Variants in PCK2 observed in about 807,000 individuals in gnomAD.
The protein encoded by PCK2 is phosphoenolpyruvate carboxykinase [GTP], mitochondrial.
PCK2 carries 56 observed loss-of-function variants against 65.9 expected under a neutral mutation model. The ratio of observed to expected loss-of-function variants is 0.85; its 90% CI spans 0.69 to 1.06. The LOEUF (loss-of-function observed/expected upper bound fraction) is 1.06, where lower values mean the gene tolerates loss of function less well. Ranked by LOEUF, PCK2 falls within the 50% of genes least tolerant of loss-of-function variation. PCK2 has a pLI of 0.00. For synonymous variants in PCK2, 305 were observed against 319.6 expected, an observed-to-expected ratio of 0.95 and a Z score of 0.49; for missense variants, 843 against 863.1, an observed-to-expected ratio of 0.98 and a Z score of 0.29.
At chr14:24,102,996 C>G in intron 8 of PCK2, 106 bp downstream of exon 8, 1 of 1,331,490 alleles carries the variant, frequency 7.5e-7, no homozygotes, top group Non-Finnish European at 1.1e-6. Flanking sequence ...TCACCTTTCT[C>G]CAGAGTTCTC....
chr14:24,095,289 G>T, intron 1 of PCK2: 7 of 452,170 alleles, frequency 1.5e-5, no homozygotes, highest in South Asian at 9.3e-5. Flanking sequence ...CGTGAGCCAG[G>T]CTCCAGGGAG....
intron 7 of PCK2, among the ~76,000 whole-genome samples, chr14:24,101,264 C>A (rs1459649680): frequency 2.6e-5 from 4 of 152,198 alleles, no homozygotes; most frequent in Non-Finnish European, 5.9e-5. Flanking sequence ...CAGAATAATA[C>A]CCTGTGTTAG....
intron 7 of PCK2, 85 bp from the exon 8 acceptor site, chr14:24,102,668 C>G (rs1022604462): frequency 1.3e-5 from 15 of 1,154,486 alleles, no homozygotes; most frequent in Non-Finnish European, 1.9e-5. Flanking sequence ...AAAAAAAGAA[C>G]CCTGCAAGAA....
In PCK2 at chr14:24,099,142, A is replaced by G; in HGVS notation, c.758A>G (p.Tyr253Cys). ...QREIISFGSGYGGNSLLGKKC... is the reference protein window; with the variant it reads ...QREIISFGSGCGGNSLLGKKC... ...GAGATCATCTCCTTCGGCAGCGGCTATGGTGGCAACTCCCTGCTGGGCAAG... is the reference window on the plus strand; with the variant it reads ...GAGATCATCTCCTTCGGCAGCGGCTGTGGTGGCAACTCCCTGCTGGGCAAG... The change falls in exon 5 of 10, where the codon TAT (tyrosine) becomes TGT (cysteine). Residue 253 changes from tyrosine (Y) to cysteine (C), a missense_variant. Physicochemically the swap from Tyr to Cys is radical, Grantham distance 194. Coordinates refer to ENST00000216780, the MANE Select transcript of PCK2 (RefSeq NM_004563.4). 1 of 1,611,988 alleles carries G rather than the reference A, an allele frequency of 6.2e-7. No homozygotes were observed. The highest frequency in any genetic ancestry group is 8.5e-7 in the Non-Finnish European group (1 of 1,179,744).
Position 24,094,413 on chromosome 14 carries a change from C to T in PCK2, c.8C>T (p.Ala3Val). The T allele has an allele frequency of 6.4e-7, 1 of 1,561,092 alleles. No individual in the cohort carries two copies. The highest frequency in any genetic ancestry group is 8.6e-7 in the Non-Finnish European group (1 of 1,157,868). Residue 3 changes from alanine to valine, a missense_variant, in exon 1 of 10, where the codon GCA (alanine) becomes GTA (valine). Ala to Val is a moderately conservative substitution (Grantham distance 64). Coordinates refer to ENST00000216780, the MANE Select transcript of PCK2 (RefSeq NM_004563.4). This position sits in a 1 kb window ranked among gnomAD's most constrained non-coding sequence, Gnocchi z 4.1. ...AGCCCCTGCCCAGGTGCCATGGCCG[C>T]ATTGTACCGCCCTGGCCTGCGGTGA... MA[A>V]LYRPGLRLNW...
At position 24,102,868 on chromosome 14, in the gene PCK2, C is replaced by T. The variant is rs1342609140; in HGVS notation, c.1350C>T (p.Ile450=). ...AGGGTGTCCCCATTGACGCCATCAT[C>T]TTTGGTGGCCGCAGACCCAAAGGTA... is the stretch of plus-strand genomic sequence containing the variant. The part of the protein sequence containing the change: ...APEGVPIDAI[I]FGGRRPKGVP... Residue 450 remains isoleucine, a synonymous_variant, in exon 8 of 10, where the codon ATC becomes ATT. Coordinates refer to ENST00000216780, the MANE Select transcript of PCK2 (RefSeq NM_004563.4). 1 of 1,613,962 alleles carries T rather than the reference C, an allele frequency of 6.2e-7. No individual in the cohort carries two copies. Among genetic ancestry groups the T allele is most frequent in the Admixed American group, 1.7e-5 (1 of 59,958 alleles).
chr14:24,101,430 G>A (rs1486480800), intron 7 of PCK2, among the ~76,000 whole-genome samples: 1 of 152,128 alleles, frequency 6.6e-6, no homozygotes, highest in African/African-American at 2.4e-5. Context: ...GTCCACTCAG[G>A]GGCCACACAG....
rs115883480 is a variant in PCK2 at position 24,096,851 on chromosome 14, C to T, written c.30-41C>T. 3.8e-3 allele frequency: 6,067 copies of T among 1,584,412 alleles called. 199 individuals carry two copies. The African/African-American group carries it at 0.07, about 18-fold the overall frequency. The stretch of plus-strand genomic sequence containing the variant: ...CTCCACCACCTGCCTTGTCCACTCT[C>T]GATGACAGCAACTAGCTCATTGCCT... On this transcript the variant is annotated intron_variant, in intron 1 of 9. Coordinates refer to ENST00000216780, the MANE Select transcript of PCK2 (RefSeq NM_004563.4).
In PCK2 at chr14:24,098,200, C is replaced by T. The variant is rs368443004; in HGVS notation, c.276-3C>T. ...ATCTTCCTGACAATCCCCTCTCCCC[C>T]AGCTGGCTGGCCCGCACAGACCCCA... On this transcript the variant is annotated splice_polypyrimidine_tract_variant and splice_region_variant and intron_variant, in intron 2 of 9. Coordinates refer to ENST00000216780, the MANE Select transcript of PCK2 (RefSeq NM_004563.4). The T allele has an allele frequency of 1.9e-6, 3 of 1,591,082 alleles. No individual in the cohort carries two copies. Among genetic ancestry groups the T allele is most frequent in the African/African-American group, 2.7e-5 (2 of 74,448 alleles).
At chr14:24,102,955 C>G in intron 8 of PCK2, 65 bp downstream of exon 8, 1 of 1,495,160 alleles carries the variant, frequency 6.7e-7, no homozygotes, top group East Asian at 2.3e-5. Flanking sequence ...GCCTACCTCC[C>G]TCCCTCTGAT....
Position 24,103,933 on chromosome 14 carries a change from A to G in PCK2, c.1892A>G (p.Glu631Gly), listed in dbSNP as rs2037278211. The stretch of plus-strand genomic sequence containing the variant: ...CCCAAAGAGGTGTTGGCTGAGCTTG[A>G]GGCCCTGGAGAGACGTGTGCACAAA... ...DLPKEVLAEL[E>G]ALERRVHKM The change falls in exon 10 of 10, where the codon GAG (glutamate) becomes GGG (glycine). Residue 631 changes from glutamate to glycine, a missense_variant. Physicochemically the swap from Glu to Gly is moderately conservative, Grantham distance 98. Coordinates refer to ENST00000216780, the MANE Select transcript of PCK2 (RefSeq NM_004563.4). 1 of 1,613,986 alleles carries G rather than the reference A, an allele frequency of 6.2e-7. No individual in the cohort carries two copies. Among genetic ancestry groups the G allele is most frequent in the Middle Eastern group, 1.6e-4 (1 of 6,062 alleles).
chr14:24,096,237 T>C (rs1361678875), intron 1 of PCK2, among the ~76,000 whole-genome samples: 1 of 129,394 alleles, frequency 7.7e-6, no homozygotes, highest in African/African-American at 3.0e-5. Flanking sequence ...TCTTTTTTTT[T>C]TTTTTTTTTT....
chr14:24,097,257 G>A, intron 2 of PCK2, 120 bp downstream of exon 2: 1 of 937,230 alleles, frequency 1.1e-6, no homozygotes, highest in South Asian at 1.6e-5. Context: ...GAGCTTTGGG[G>A]TAAACAGACC....
At chr14:24,103,362 C>A in intron 9 of PCK2, 107 bp downstream of exon 9, 2 of 1,142,812 alleles carry the variant, frequency 1.8e-6, no homozygotes, top group South Asian at 1.3e-5. Context: ...TCTGATATGG[C>A]CCCACCTCTT....
rs139733386 is a variant in PCK2, at chr14:24,103,782, G to A, written c.1741G>A (p.Ala581Thr). ...TPIGLVPKEGALDLSGLRAID... is the reference protein window; with the variant it reads ...TPIGLVPKEGTLDLSGLRAID... ...CATTGGGCTGGTGCCAAAGGAAGGA[G>A]CCTTGGATCTCAGCGGCCTCAGAGC... The change falls in exon 10 of 10, where the codon GCC (alanine) becomes ACC (threonine). Residue 581 changes from alanine (A) to threonine (T), a missense_variant. Ala to Thr is a moderately conservative substitution (Grantham distance 58). Transcript: ENST00000216780. 1,114 of 1,614,178 alleles carry A rather than the reference G, an allele frequency of 6.9e-4. 8 individuals are homozygous for A. Among genetic ancestry groups the A allele is most frequent in the Middle Eastern group, 3.3e-4 (2 of 6,062 alleles).
At chr14:24,095,466 C>T in intron 1 of PCK2, 1 of 337,266 alleles carries the variant, frequency 3.0e-6, no homozygotes, top group Non-Finnish European at 5.9e-6. Flanking sequence ...CTACCCCAGA[C>T]AGACTCAAGC....
Position 24,094,454 on chromosome 14 carries a change from G to C in PCK2, c.29+20G>C. The C allele has an allele frequency of 6.5e-7, 1 of 1,530,594 alleles. No individual in the cohort carries two copies. Among genetic ancestry groups the C allele is most frequent in the Non-Finnish European group, 8.7e-7 (1 of 1,145,380 alleles). 94.8% of individuals were successfully genotyped at this position (1,530,594 alleles called of 1,614,324 possible). ...CCTGCGGTGAGTGACCCCCGGCCCG[G>C]GGCCCACCCGCACCTTCCGCTGCGC... On this transcript the variant is annotated intron_variant, in intron 1 of 9. Coordinates refer to ENST00000216780, the MANE Select transcript of PCK2 (RefSeq NM_004563.4). The surrounding 1 kb of genome is among the most constrained non-coding windows in gnomAD (Gnocchi z 4.1).
Position 24,102,734 on chromosome 14 carries a change from T to A in PCK2, c.1235-19T>A. On this transcript the variant is annotated intron_variant, in intron 7 of 9. Transcript: ENST00000216780. ...CGACATGACCTTGGAAATAATAGTGTTTGTATTTCCTCTGCCAGGTGACAA... is the reference window on the plus strand; with the variant it reads ...CGACATGACCTTGGAAATAATAGTGATTGTATTTCCTCTGCCAGGTGACAA... 1 of 1,607,254 alleles carries A rather than the reference T, an allele frequency of 6.2e-7. No homozygotes were observed. Among genetic ancestry groups the A allele is most frequent in the East Asian group, 2.2e-5 (1 of 44,778 alleles).
chr14:24,095,530 T>C (rs1042294675), intron 1 of PCK2, among the ~76,000 whole-genome samples: 1 of 152,096 alleles, frequency 6.6e-6, no homozygotes, highest in African/African-American at 2.4e-5. Context: ...ACCCTCTGAG[T>C]CTGAGCTGCC....
Sources: gnomAD v4.1 joint callset for allele counts (sites outside exome capture counted in the v4.1 genomes callset) on GRCh38, gnomAD v4.1.1 for gene constraint, Gnocchi (gnomAD v3.1) non-coding constraint, MANE v1.5 for transcripts, NCBI Gene and HGNC (gene_info 2026-07-23, HGNC 2026-07-21) for gene names.